The following CLVS1 variants were observed in gnomAD, a reference collection of about 807,000 sequenced individuals.
CLVS1 encodes the protein clavesin 1, also known as clavesin-1.
In CLVS1, 10 loss-of-function variants were observed where a neutral mutation model predicts 33.1. The ratio of observed to expected loss-of-function variants is 0.30; its 90% confidence interval spans 0.19 to 0.51. CLVS1 has a LOEUF of 0.51. CLVS1 is among the 20% of genes least tolerant of loss of function. The pLI is 0.97. For missense variants in CLVS1, 343 were observed against 433.4 expected (o/e 0.79, Z 1.85); for synonymous variants, 163 against 166.1 (o/e 0.98, Z 0.14).
At chr8:61,067,831 G>C (rs1296528202) in intron 1 of CLVS1, among the ~76,000 whole-genome samples, 3 of 152,004 alleles carry the variant, frequency 2.0e-5, no homozygotes, top group Non-Finnish European at 4.4e-5. Context: ...AGAAGGGGGA[G>C]GGAAAGTGGG....
chr8:61,071,148 C>T (rs778579316), intron 1 of CLVS1, among the ~76,000 whole-genome samples: 1 of 152,214 alleles, frequency 6.6e-6, no homozygotes, highest in Non-Finnish European at 1.5e-5. Flanking sequence ...GAGGCCAACG[C>T]GTCTTTACCA....
At chr8:61,424,314 T>G (rs568132648) in intron 3 of CLVS1, among the ~76,000 whole-genome samples, 1 of 152,364 alleles carries the variant, frequency 6.6e-6, no homozygotes, top group East Asian at 1.9e-4. Flanking sequence ...GAATTTTCCT[T>G]GATAAATGGC....
the CLVS1 span, among the ~76,000 whole-genome samples, chr8:61,005,909 C>G: frequency 6.6e-6 from 1 of 152,118 alleles, no homozygotes; most frequent in Non-Finnish European, 1.5e-5. Flanking sequence ...GGGAGTCGGA[C>G]CAATTCACAG....
At chr8:61,031,983 G>A in the CLVS1 span, among the ~76,000 whole-genome samples, 3 of 152,152 alleles carry the variant, frequency 2.0e-5, no homozygotes, top group Non-Finnish European at 1.5e-5. Flanking sequence ...TAAAATATGG[G>A]GGCAATATAA....
At chr8:60,965,377 G>C in the CLVS1 span, 3 of 152,408 alleles carry the variant, frequency 2.0e-5, no homozygotes, top group Admixed American at 6.5e-5. Context: ...CTGTTTTTCT[G>C]TCTTGGTGTC....
chr8:60,973,691 C>T, the CLVS1 span, among the ~76,000 whole-genome samples: 1 of 152,012 alleles, frequency 6.6e-6, no homozygotes, highest in Non-Finnish European at 1.5e-5. Context: ...CATGCTTCTG[C>T]TGTCTTGCAT....
At chr8:61,369,024 T>G (rs1287607619) in intron 2 of CLVS1, among the ~76,000 whole-genome samples, 2 of 152,112 alleles carry the variant, frequency 1.3e-5, no homozygotes, top group Non-Finnish European at 2.9e-5. Context: ...CCCCTCTTCT[T>G]TCTCTCCCCG....
At position 61,312,325 on chromosome 8, in the gene CLVS1, A is replaced by G. The variant is rs76813524; in HGVS notation, c.455+12043A>G. On this transcript the variant is annotated intron_variant, in intron 2 of 5. Coordinates refer to ENST00000325897, the MANE Select transcript of CLVS1 (RefSeq NM_173519.3). ...AGCCACTGGGAAAGATTAAGTGCCCATGCTTCGCTCCAGTTGTAAATCAAG... is the reference window on the plus strand; with the variant it reads ...AGCCACTGGGAAAGATTAAGTGCCCGTGCTTCGCTCCAGTTGTAAATCAAG... 5.5e-3 allele frequency among the ~76,000 whole-genome samples: 842 copies of G among 152,330 alleles called. 9 individuals carry two copies. Among genetic ancestry groups the G allele is most frequent in the African/African-American group, 0.019 (774 of 41,574 alleles).
chr8:61,048,399 A>G, the CLVS1 span, among the ~76,000 whole-genome samples: 4 of 152,230 alleles, frequency 2.6e-5, no homozygotes, highest in Admixed American at 2.0e-4. Context: ...CCATGCCTGC[A>G]TGGAGTGAAC....
chr8:61,051,310 C>G, the CLVS1 span, among the ~76,000 whole-genome samples: 1 of 152,230 alleles, frequency 6.6e-6, no homozygotes, highest in African/African-American at 2.4e-5. Context: ...AGGTTTCTGA[C>G]AGATAAAAGG....
chr8:61,430,660 T>G (rs1190754679), intron 3 of CLVS1, among the ~76,000 whole-genome samples: 1 of 152,214 alleles, frequency 6.6e-6, no homozygotes, highest in Admixed American at 6.5e-5. Flanking sequence ...TGTCTTTATG[T>G]GCTCTGCTAC....
chr8:61,257,803 T>C (rs1021069501), intron 2 of CLVS1, among the ~76,000 whole-genome samples: 7 of 152,210 alleles, frequency 4.6e-5, no homozygotes, highest in Non-Finnish European at 1.0e-4. Flanking sequence ...AAAATAAATA[T>C]GCCTCTGTGC....
At chr8:61,496,295 C>G (rs1804261844) in intron 5 of CLVS1, among the ~76,000 whole-genome samples, 1 of 152,094 alleles carries the variant, frequency 6.6e-6, no homozygotes, top group African/African-American at 2.4e-5. Context: ...CAGTATTTTC[C>G]TTTTCCACAG....
intron 2 of CLVS1, among the ~76,000 whole-genome samples, chr8:61,367,331 C>T (rs62524926): frequency 0.38 from 57,422 of 151,572 alleles, 13,092 homozygotes; most frequent in East Asian, 0.64. Flanking sequence ...TTCATTTGCC[C>T]CATTGCACAG....
intron 2 of CLVS1, among the ~76,000 whole-genome samples, chr8:61,198,164 G>A (rs1353634478): frequency 6.6e-6 from 1 of 152,126 alleles, no homozygotes; most frequent in Admixed American, 6.6e-5. Flanking sequence ...TCTTTGCCCT[G>A]TCCTTTTGTT....
At chr8:61,466,444 G>A (rs555642493) in intron 5 of CLVS1, among the ~76,000 whole-genome samples, 2 of 152,176 alleles carry the variant, frequency 1.3e-5, no homozygotes, top group South Asian at 4.2e-4. Context: ...AGTGGCTTAG[G>A]GCTGGAAACC....
chr8:61,320,476 C>G (rs990565637), intron 2 of CLVS1, among the ~76,000 whole-genome samples: 2 of 152,038 alleles, frequency 1.3e-5, no homozygotes, highest in Non-Finnish European at 2.9e-5. Context: ...TTAACTCTTA[C>G]AGTAAATACA....
rs1807540091 is a variant in CLVS1 at position 61,193,555 on chromosome 8, G to A, written c.-152+61695G>A. On this transcript the variant is annotated intron_variant, in intron 2 of 2. Transcript: ENST00000522621. The stretch of plus-strand genomic sequence containing the variant: ...AAAAACTCTTCAAAGCAATGTCACA[G>A]AAATGACAGTAGTCTTAACAACAAA... 2.6e-5 allele frequency among the ~76,000 whole-genome samples: 4 copies of A among 151,750 alleles called. No homozygotes were observed. In the South Asian group the frequency reaches 8.3e-4, roughly 32 times the overall value.
At chr8:61,393,399 C>T (rs1426525011) in intron 3 of CLVS1, among the ~76,000 whole-genome samples, 2 of 152,090 alleles carry the variant, frequency 1.3e-5, no homozygotes, top group Non-Finnish European at 2.9e-5. Context: ...AATTCTTTAT[C>T]TGGCGATTAA....
Sources: allele counts gnomAD v4.1 joint callset (sites outside exome capture counted in the v4.1 genomes callset), GRCh38; gene constraint gnomAD v4.1.1; transcripts MANE v1.5; gene names NCBI Gene and HGNC (gene_info 2026-07-23, HGNC 2026-07-21).